IL9R: variants seen among roughly 807,000 people sequenced by gnomAD.
IL9R encodes interleukin-9 receptor.
In IL9R, 54 loss-of-function variants were observed where a neutral mutation model predicts 56.3. That is an observed-to-expected ratio of 0.96 (90% CI 0.77 to 1.20). The LOEUF (loss-of-function observed/expected upper bound fraction) is 1.20, where lower values mean the gene tolerates loss of function less well. Ranked by LOEUF, IL9R falls within the 50% of genes most tolerant of loss-of-function variation. IL9R has a pLI of 0.00. For synonymous variants in IL9R, 212 were observed against 250.2 expected, an observed-to-expected ratio of 0.85 and a Z score of 1.44; for missense variants, 545 against 629.8, an observed-to-expected ratio of 0.87 and a Z score of 1.44.
chrX:156,000,585 G>A (rs757804694), intron 1 of IL9R, among the ~76,000 whole-genome samples: 36 of 152,324 alleles, frequency 2.4e-4, no homozygotes, highest in African/African-American at 7.9e-4. Context: ...CCAGGTGGCA[G>A]ACACTGGTTT....
chrX:156,004,756 T>A (rs1312734882), intron 5 of IL9R, among the ~76,000 whole-genome samples, 191 bp downstream of exon 5: 1 of 151,998 alleles, frequency 6.6e-6, no homozygotes, highest in Admixed American at 6.6e-5. Flanking sequence ...GGGAGTAGGG[T>A]GAGTGCGCCT....
Position 156,005,458 on chromosome X carries a change from T to G in IL9R, c.760T>G (p.Phe254Val). ...GAGTGAGTGGAGCCAGCCTGTGTGC[T>G]TCCAGGCTCCCCAGAGACAAGGTGG... ...QWSEWSQPVC[F>V]QAPQRQGPLI... The change falls in exon 6 of 9, where the codon TTC becomes GTC. Residue 254 changes from phenylalanine to valine, a missense_variant. Phe to Val is a conservative substitution (Grantham distance 50). Coordinates refer to ENST00000244174, the MANE Select transcript of IL9R (RefSeq NM_002186.3). 9.9e-6 allele frequency: 16 copies of G among 1,612,886 alleles called. No homozygotes were observed. The highest frequency in any genetic ancestry group is 1.4e-5 in the Non-Finnish European group (16 of 1,179,728).
At chrX:156,004,634 C>G in intron 5 of IL9R, 69 bp downstream of exon 5, 4 of 1,480,216 alleles carry the variant, frequency 2.7e-6, no homozygotes, top group Non-Finnish European at 2.8e-6. Flanking sequence ...AGACTCCCCA[C>G]TCTACATAGG....
intron 5 of IL9R, 53 bp downstream of exon 5, chrX:156,004,618 C>T (rs1050683012): frequency 6.4e-7 from 1 of 1,563,808 alleles, no homozygotes; most frequent in Non-Finnish European, 8.8e-7. Context: ...AACAGCAGTC[C>T]AGGGTAGACT....
At chrX:156,009,061 TTGTGTG>T (rs1382847096) in intron 8 of IL9R, among the ~76,000 whole-genome samples, 27 of 121,760 alleles carry the variant, frequency 2.2e-4, no homozygotes, top group African/African-American at 8.5e-4. Context: ...CTGTGTGTGT[TTGTGTG>T]TGTGTCTGTG....
chrX:156,001,651 G>C lies in IL9R; in HGVS notation c.29-1255G>C. 4.6e-6 allele frequency: 3 copies of C among 656,310 alleles called. No individual in the cohort carries two copies. In the East Asian group the frequency reaches 7.9e-5, roughly 17 times the overall value. The allele number at this position is 656,310 out of a possible 1,614,324, so 40.7% of individuals were successfully genotyped here. On this transcript the variant is annotated intron_variant, in intron 1 of 8. Transcript: ENST00000244174. ...GTCCTTTAAGGCTGTAAGTCTGTGT[G>C]CGTGTCTGGTTTTTTCCTCCTCCTA...
At chrX:156,009,597 C>T (rs1209960324) in intron 8 of IL9R, among the ~76,000 whole-genome samples, 2 of 141,602 alleles carry the variant, frequency 1.4e-5, no homozygotes, top group South Asian at 2.3e-4. Flanking sequence ...TGCTGAGGAG[C>T]CTGAAGGGAC....
chrX:156,004,386 G>T, intron 4 of IL9R, 34 bp from the exon 5 acceptor site: 12 of 1,612,918 alleles, frequency 7.4e-6, no homozygotes, highest in Non-Finnish European at 1.0e-5. Flanking sequence ...AGACCCATGG[G>T]GCTTCAGCCT....
In IL9R at chrX:156,004,408, A is replaced by C. The variant is rs2067763048; in HGVS notation, c.434-12A>C. 1 of 1,613,468 alleles carries C rather than the reference A, an allele frequency of 6.2e-7. No homozygotes were observed. The highest frequency in any genetic ancestry group is 1.3e-5 in the African/African-American group (1 of 74,820). The stretch of plus-strand genomic sequence containing the variant: ...TGGGGCTTCAGCCTCACATGGATTC[A>C]CTCTGTTCCAGTTAAGCTGGACCCG... On this transcript the variant is annotated splice_polypyrimidine_tract_variant and intron_variant, in intron 4 of 8. Coordinates refer to ENST00000244174, the MANE Select transcript of IL9R (RefSeq NM_002186.3).
At chrX:156,004,620 G>T (rs2067785079) in intron 5 of IL9R, 55 bp downstream of exon 5, 1 of 1,563,194 alleles carries the variant, frequency 6.4e-7, no homozygotes, top group South Asian at 1.1e-5. Flanking sequence ...CAGCAGTCCA[G>T]GGTAGACTCC....
At chrX:156,003,386 A>AC (rs1241385456) in intron 2 of IL9R, 63 bp from the exon 3 acceptor site, 2 of 1,164,126 alleles carry the variant, frequency 1.7e-6, no homozygotes, top group Admixed American at 3.4e-5. Context: ...ATCCTCCCCA[A>AC]CCCCCGAGCT....
chrX:155,999,260 C>A (rs1176313432), intron 1 of IL9R, among the ~76,000 whole-genome samples: 1 of 152,056 alleles, frequency 6.6e-6, no homozygotes, highest in African/African-American at 2.4e-5. Context: ...TGGGTATGTG[C>A]CCTTGTCCAC....
intron 1 of IL9R, among the ~76,000 whole-genome samples, chrX:155,999,081 C>T (rs776800261): frequency 4.6e-5 from 7 of 152,158 alleles, no homozygotes; most frequent in African/African-American, 1.7e-4. Flanking sequence ...TCAGGGGTTC[C>T]GTCCAGCTAA....
intron 8 of IL9R, among the ~76,000 whole-genome samples, chrX:156,008,899 CTGTGTGTGTTCG>C (rs1334838355): frequency 2.1e-5 from 3 of 142,390 alleles, no homozygotes; most frequent in East Asian, 4.1e-4. Flanking sequence ...GTTTATGTGT[CTGTGTGTGTTCG>C]TGTGTGTGTC....
In IL9R at chrX:156,002,781, G is replaced by A; in HGVS notation, c.29-125G>A. 3.0e-6 allele frequency: 4 copies of A among 1,331,734 alleles called. No homozygotes were observed. In the South Asian group the frequency reaches 3.7e-5, roughly 12 times the overall value. The allele number at this position is 1,331,734 out of a possible 1,614,324, so 82.5% of individuals were successfully genotyped here. A position where few individuals can be genotyped will look rare whatever the true frequency, so the allele number is the denominator to read the frequency against. ...GACGCTGGACACTGTGTGAGTGTTA[G>A]GACACAGGACACTGTGTGAGTGCAG... On this transcript the variant is annotated intron_variant, in intron 1 of 8. Coordinates refer to ENST00000244174, the MANE Select transcript of IL9R (RefSeq NM_002186.3).
Position 156,010,009 on chromosome X carries a change from CAG to C in IL9R, c.1169_1170del (p.Glu390GlyfsTer30). ...ACCAGGCTCCCGGGGAACCTGAGCTCAGAGGATGTGCTGCCAGCAGGGTGTAC... is the reference window on the plus strand; with the variant it reads ...ACCAGGCTCCCGGGGAACCTGAGCTCAGGATGTGCTGCCAGCAGGGTGTAC... On this transcript the variant is annotated frameshift_variant, in exon 9 of 9. Coordinates refer to ENST00000244174, the MANE Select transcript of IL9R (RefSeq NM_002186.3). LOFTEE classifies it high-confidence loss of function. The C allele has an allele frequency of 6.4e-7, 1 of 1,556,670 alleles. No homozygotes were observed. Among genetic ancestry groups the C allele is most frequent in the Non-Finnish European group, 8.7e-7 (1 of 1,155,234 alleles).
In IL9R at chrX:156,010,164, A is replaced by T. The variant is rs1347771231; in HGVS notation, c.1321A>T (p.Asn441Tyr). 1 of 1,532,290 alleles carries T rather than the reference A, an allele frequency of 6.5e-7. No individual in the cohort carries two copies. The highest frequency in any genetic ancestry group is 8.6e-7 in the Non-Finnish European group (1 of 1,158,226). The allele number at this position is 1,532,290 out of a possible 1,614,324, so 94.9% of individuals were successfully genotyped here. ...CAGCAGCAGCAGCAGCAGCAACAAC[A>T]ACAACTACTGTGCCTTGGGCTGCTA... ...SSSSSSSSNN[N>Y]NYCALGCYGG... The change falls in exon 9 of 9, where the codon AAC (asparagine) becomes TAC (tyrosine). Residue 441 changes from asparagine (N) to tyrosine (Y), a missense_variant. This residue lies in a region of IL9R where 114 missense variants were observed against 269.8 expected (regional missense o/e 0.42). Transcript: ENST00000244174.
intron 7 of IL9R, among the ~76,000 whole-genome samples, chrX:156,006,614 G>A (rs2067980231): frequency 6.6e-6 from 1 of 151,478 alleles, no homozygotes; most frequent in Admixed American, 6.6e-5. Context: ...CCTGTTCTCA[G>A]AACAAGATGG....
chrX:156,003,846 C>G lies in IL9R; in HGVS notation c.424C>G (p.Arg142Gly), dbSNP rs184097294. 3.3e-4 allele frequency: 526 copies of G among 1,613,838 alleles called. 3 individuals are homozygous for G. In the East Asian group the frequency reaches 0.011, roughly 33 times the overall value. The change falls in exon 4 of 9, where the codon CGG (arginine) becomes GGG (glycine). Residue 142 changes from arginine to glycine, a missense_variant. Around this residue, in one of 2 missense-constraint regions of IL9R, gnomAD observed 431 missense variants for 360.0 expected, o/e 1.20. Transcript: ENST00000244174. ...CCTGGTGGACCCGGAGTACCTGCCC[C>G]GGAGACACGGTGAGCAGCAGCTATA... ...VSLVDPEYLP[R>G]RHVKLDPPSD...
Sources: allele counts gnomAD v4.1 joint callset (sites outside exome capture counted in the v4.1 genomes callset), GRCh38; gene constraint gnomAD v4.1.1; regional missense constraint gnomAD v4.1.1; transcripts MANE v1.5; gene names NCBI Gene and HGNC (gene_info 2026-07-23, HGNC 2026-07-21).